Variants in SGCZ observed in about 807,000 individuals in gnomAD.
SGCZ encodes sarcoglycan zeta.
In SGCZ, 40 loss-of-function variants were observed where a neutral mutation model predicts 41.3. That is an observed-to-expected ratio of 0.97 (90% CI 0.75 to 1.26). The LOEUF is 1.26. SGCZ is among the 50% of genes most tolerant of loss of function. The pLI, the probability that SGCZ is intolerant of heterozygous loss-of-function variation, is 0.00. For synonymous variants in SGCZ, 206 were observed against 137.5 expected (o/e 1.50, Z -3.49); for missense variants, 552 against 369.8 (o/e 1.49, Z -4.04).
chr8:14,737,279 A>T (rs929309861), intron 1 of SGCZ, among the ~76,000 whole-genome samples: 1 of 151,822 alleles, frequency 6.6e-6, no homozygotes, highest in Middle Eastern at 3.4e-3. Context: ...ACAGACTAAT[A>T]TTAATTTTAT....
chr8:14,666,984 A>C (rs1807931314), intron 1 of SGCZ, among the ~76,000 whole-genome samples: 1 of 152,178 alleles, frequency 6.6e-6, no homozygotes, highest in African/African-American at 2.4e-5. Context: ...TATAGTACTA[A>C]GAATCGCTAA....
At chr8:14,872,969 T>A (rs1296817382) in intron 1 of SGCZ, among the ~76,000 whole-genome samples, 1 of 152,142 alleles carries the variant, frequency 6.6e-6, no homozygotes. Context: ...ACGTTTAACT[T>A]GATAGGCGTC....
rs571390168 is a variant in SGCZ, at chr8:15,054,759, C to G, written c.39+182826G>C. Among the ~76,000 whole-genome samples, 3 of 151,770 alleles carry G rather than the reference C, an allele frequency of 2.0e-5. No homozygotes were observed. The East Asian group carries it at 5.8e-4, about 30-fold the overall frequency. ...CACGAGGTCAGGAGATCAAGACCAT[C>G]CTGGCTAACACGGTGAAACCCCGTC... On this transcript the variant is annotated intron_variant, in intron 1 of 7. Coordinates refer to ENST00000382080, the MANE Select transcript of SGCZ (RefSeq NM_139167.4).
rs1805675054 is a variant in SGCZ at position 14,604,158 on chromosome 8, T to A, written c.40-49232A>T. Among the ~76,000 whole-genome samples, 14 of 152,176 alleles carry A rather than the reference T, an allele frequency of 9.2e-5. 1 individual carries two copies. Among genetic ancestry groups the A allele is most frequent in the Admixed American group, 9.2e-4 (14 of 15,276 alleles). ...AAAAAACACTTATCAAAAATGCTACTGTAATGTACGGATGCCACTTCCTGT... is the reference window on the plus strand; with the variant it reads ...AAAAAACACTTATCAAAAATGCTACAGTAATGTACGGATGCCACTTCCTGT... On this transcript the variant is annotated intron_variant, in intron 1 of 7. Coordinates refer to ENST00000382080, the MANE Select transcript of SGCZ (RefSeq NM_139167.4).
intron 1 of SGCZ, among the ~76,000 whole-genome samples, chr8:15,198,038 T>C (rs1800785912): frequency 1.4e-5 from 2 of 147,580 alleles, no homozygotes; most frequent in East Asian, 1.9e-4. Context: ...TTACATTATA[T>C]ATTTATATTA....
chr8:14,418,943 G>C (rs752677150), intron 2 of SGCZ, among the ~76,000 whole-genome samples: 1 of 151,846 alleles, frequency 6.6e-6, no homozygotes, highest in Non-Finnish European at 1.5e-5. Context: ...TGTAGGTTTC[G>C]AATAGTCACC....
chr8:14,276,666 C>T (rs1800244828), intron 3 of SGCZ, among the ~76,000 whole-genome samples: 1 of 152,186 alleles, frequency 6.6e-6, no homozygotes, highest in Admixed American at 6.5e-5. Flanking sequence ...TCTTTTCTTT[C>T]CAATTTGTAT....
chr8:14,492,609 C>A (rs757130545), intron 2 of SGCZ, among the ~76,000 whole-genome samples: 10 of 152,174 alleles, frequency 6.6e-5, no homozygotes, highest in Non-Finnish European at 1.0e-4. Flanking sequence ...TCTCTATCTG[C>A]TCAAATTTCT....
At chr8:14,515,013 A>G (rs1411603075) in intron 2 of SGCZ, among the ~76,000 whole-genome samples, 2 of 151,964 alleles carry the variant, frequency 1.3e-5, no homozygotes, top group Non-Finnish European at 1.5e-5. Context: ...AAATTACATC[A>G]AGTATATTTT....
intron 1 of SGCZ, among the ~76,000 whole-genome samples, chr8:14,661,970 ATTC>A (rs1807765306): frequency 6.6e-6 from 1 of 152,188 alleles, no homozygotes; most frequent in Non-Finnish European, 1.5e-5. Flanking sequence ...TGAGCTTATT[ATTC>A]ATTTACTGAA....
chr8:15,130,861 AG>A (rs1224796461), intron 1 of SGCZ, among the ~76,000 whole-genome samples: 2 of 152,198 alleles, frequency 1.3e-5, no homozygotes, highest in African/African-American at 4.8e-5. Context: ...AAATCTATAA[AG>A]TTGAAGATAA....
chr8:15,057,279 G>C (rs575462441), intron 1 of SGCZ, among the ~76,000 whole-genome samples: 1 of 152,282 alleles, frequency 6.6e-6, no homozygotes, highest in South Asian at 2.1e-4. Context: ...CCAAATAAAA[G>C]TGCCATCTGA....
chr8:15,002,146 T>G (rs930586789), intron 1 of SGCZ, among the ~76,000 whole-genome samples: 1 of 150,794 alleles, frequency 6.6e-6, no homozygotes, highest in Non-Finnish European at 1.5e-5. Flanking sequence ...AACAGCAGCA[T>G]AACCATAAAT....
chr8:14,595,590 C>A lies in SGCZ; in HGVS notation c.40-40664G>T, dbSNP rs560882045. On this transcript the variant is annotated intron_variant, in intron 1 of 7. Transcript: ENST00000382080. Reference sequence around the variant, plus strand: ...AGAACTCCTACTAGCAGCTGGCTAACCTTGAACTAATTCCCAGTTTGTTTT... The same window carrying A: ...AGAACTCCTACTAGCAGCTGGCTAAACTTGAACTAATTCCCAGTTTGTTTT... 5.5e-4 allele frequency among the ~76,000 whole-genome samples: 84 copies of A among 152,228 alleles called. 1 individual carries two copies. The East Asian group carries it at 0.01, about 19-fold the overall frequency.
intron 2 of SGCZ, among the ~76,000 whole-genome samples, chr8:14,413,567 G>A (rs962076836): frequency 6.6e-6 from 1 of 151,928 alleles, no homozygotes; most frequent in East Asian, 1.9e-4. Context: ...ATCTCTAGAG[G>A]TCATTATATT....
chr8:14,099,629 G>A (rs894291852), intron 7 of SGCZ, among the ~76,000 whole-genome samples: 8 of 152,104 alleles, frequency 5.3e-5, no homozygotes, highest in Non-Finnish European at 8.8e-5. Context: ...GGAGGCTGAG[G>A]CAGGACAATC....
intron 1 of SGCZ, among the ~76,000 whole-genome samples, chr8:14,638,020 G>C (rs1337197371): frequency 2.0e-5 from 3 of 151,788 alleles, no homozygotes; most frequent in Non-Finnish European, 4.4e-5. Context: ...TGACTAGTCT[G>C]AGGTTATATT....
intron 1 of SGCZ, among the ~76,000 whole-genome samples, chr8:14,877,637 G>A (rs1480222215): frequency 6.6e-6 from 1 of 152,090 alleles, no homozygotes; most frequent in African/African-American, 2.4e-5. Context: ...TCTCTATCAT[G>A]TTGATTTTCA....
chr8:14,618,928 C>G (rs2202987), intron 1 of SGCZ, among the ~76,000 whole-genome samples: 145,275 of 152,258 alleles, frequency 0.95, 69,396 homozygotes, highest in South Asian at 0.99. Flanking sequence ...AGTTGAGCTG[C>G]AGAAAATAGG....
Sources: gnomAD v4.1 joint callset for allele counts (sites outside exome capture counted in the v4.1 genomes callset) on GRCh38, gnomAD v4.1.1 for gene constraint, MANE v1.5 for transcripts, NCBI Gene and HGNC (gene_info 2026-07-23, HGNC 2026-07-21) for gene names.